The following PTPRJ variants were observed in gnomAD, a reference collection of about 807,000 sequenced individuals.
PTPRJ encodes protein tyrosine phosphatase receptor type J.
A neutral mutation model predicts 141.3 loss-of-function variants in PTPRJ; 129 were observed. That is an observed-to-expected ratio of 0.91 (90% CI 0.79 to 1.06). The LOEUF (loss-of-function observed/expected upper bound fraction) is 1.06, where lower values mean the gene tolerates loss of function less well. Ranked by LOEUF, PTPRJ falls within the 50% of genes least tolerant of loss-of-function variation. The pLI, the probability that PTPRJ is intolerant of heterozygous loss-of-function variation, is 0.00. For synonymous variants in PTPRJ, 610 were observed against 640.5 expected, an observed-to-expected ratio of 0.95 and a Z score of 0.72; for missense variants, 1,601 against 1,679.7, an observed-to-expected ratio of 0.95 and a Z score of 0.82.
chr11:48,000,177 G>T (rs1854457116), intron 1 of PTPRJ, among the ~76,000 whole-genome samples: 1 of 132,024 alleles, frequency 7.6e-6, no homozygotes, highest in African/African-American at 2.9e-5. Flanking sequence ...GTCGTGTTCT[G>T]TTGCCCAGGC....
intron 1 of PTPRJ, among the ~76,000 whole-genome samples, chr11:48,042,742 CTG>C (rs1275417857): frequency 6.9e-6 from 1 of 145,734 alleles, no homozygotes; most frequent in African/African-American, 2.6e-5. Flanking sequence ...TTTCTTTTGC[CTG>C]TGTGTGTGTG....
intron 6 of PTPRJ, among the ~76,000 whole-genome samples, chr11:48,126,898 A>G (rs12574500): frequency 0.2 from 30,953 of 151,778 alleles, 3,607 homozygotes; most frequent in African/African-American, 0.3. Context: ...GGGTTAAGGA[A>G]ACCATCAGAG....
At chr11:48,070,076 C>T (rs74777509) in intron 1 of PTPRJ, among the ~76,000 whole-genome samples, 185 of 152,324 alleles carry the variant, frequency 1.2e-3, no homozygotes, top group African/African-American at 4.3e-3. Context: ...TCTCCTCAGC[C>T]AGTTGGTCCT....
At chr11:48,059,918 G>A (rs1402052916) in intron 1 of PTPRJ, among the ~76,000 whole-genome samples, 2 of 152,164 alleles carry the variant, frequency 1.3e-5, no homozygotes, top group Admixed American at 6.6e-5. Context: ...ATTCAAACCC[G>A]AATTGCATTA....
chr11:48,054,057 C>T (rs189839248), intron 1 of PTPRJ, among the ~76,000 whole-genome samples: 27 of 151,464 alleles, frequency 1.8e-4, no homozygotes, highest in Non-Finnish European at 2.9e-4. Flanking sequence ...CTCAGCCTCC[C>T]GAGTAGCTGG....
chr11:48,156,655 G>A (rs938231287), intron 21 of PTPRJ, among the ~76,000 whole-genome samples: 2 of 144,108 alleles, frequency 1.4e-5, no homozygotes, highest in African/African-American at 2.6e-5. Context: ...GTGCAGTGGT[G>A]CGATCATGGC....
At chr11:47,982,993 A>G (rs1312856883) in intron 1 of PTPRJ, among the ~76,000 whole-genome samples, 3 of 152,128 alleles carry the variant, frequency 2.0e-5, no homozygotes, top group Admixed American at 2.0e-4. Flanking sequence ...TTGATAATGG[A>G]TATTTCAGGG....
intron 22 of PTPRJ, among the ~76,000 whole-genome samples, chr11:48,160,455 A>G (rs982713395): frequency 1.3e-5 from 2 of 152,252 alleles, no homozygotes; most frequent in African/African-American, 4.8e-5. Context: ...TTACATTAAT[A>G]GGATTCCAGG....
rs184607138 is a variant in PTPRJ, at chr11:48,156,030, C to T, written c.3349C>T (p.Pro1117Ser). ...KDFIATQGPL[P>S]NTLKDFWRMV... The stretch of plus-strand genomic sequence containing the variant: ...TTTTATTGCCACACAAGGACCTTTA[C>T]CGAACACTTTGAAAGATTTTTGGCG... The change falls in exon 21 of 25, where the codon CCG becomes TCG. Residue 1117 changes from proline (P) to serine (S), a missense_variant. Pro to Ser is a moderately conservative substitution (Grantham distance 74, BLOSUM62 -1). Transcript: ENST00000418331. 1 of 1,607,256 alleles carries T rather than the reference C, an allele frequency of 6.2e-7. No homozygotes were observed. The highest frequency in any genetic ancestry group is 2.2e-5 in the East Asian group (1 of 44,848).
intron 1 of PTPRJ, among the ~76,000 whole-genome samples, chr11:48,085,334 A>T (rs1855672712): frequency 6.7e-6 from 1 of 148,206 alleles, no homozygotes; most frequent in Non-Finnish European, 1.5e-5. Context: ...AGATTTATTT[A>T]TTTTTATTTT....
In PTPRJ at chr11:48,031,832, C is replaced by T. The variant is rs1013169930; in HGVS notation, c.96+50824C>T. Among the ~76,000 whole-genome samples the T allele has an allele frequency of 2.0e-5, 3 of 152,266 alleles. No individual in the cohort carries two copies. In the East Asian group the frequency reaches 5.8e-4, roughly 29 times the overall value. On this transcript the variant is annotated intron_variant, in intron 1 of 24. Coordinates refer to ENST00000418331, the MANE Select transcript of PTPRJ (RefSeq NM_002843.4). ...TGGCTCCTGAATGCAAGCCACTAAC[C>T]CATTATTTTACTTAGTAAGTTCCAG...
At chr11:48,136,946 C>G in intron 9 of PTPRJ, 57 bp from the exon 10 acceptor site, 1 of 1,466,164 alleles carries the variant, frequency 6.8e-7, no homozygotes, top group Non-Finnish European at 9.4e-7. Flanking sequence ...AGTAAATAGT[C>G]CTGGAATTCT....
intron 23 of PTPRJ, 28 bp downstream of exon 23, chr11:48,163,646 A>G: frequency 1.3e-6 from 2 of 1,592,374 alleles, no homozygotes; most frequent in Non-Finnish European, 1.7e-6. Context: ...CACGTGTGAC[A>G]GATTTCAAAT....
chr11:48,055,395 C>G (rs1041686386), intron 1 of PTPRJ, among the ~76,000 whole-genome samples: 1 of 152,114 alleles, frequency 6.6e-6, no homozygotes, highest in Non-Finnish European at 1.5e-5. Flanking sequence ...CTGAAAGGCC[C>G]CAAATCTCCC....
intron 11 of PTPRJ, 122 bp downstream of exon 11, chr11:48,139,898 A>G (rs1857193595): frequency 1.8e-6 from 2 of 1,090,086 alleles, no homozygotes; most frequent in East Asian, 2.6e-5. Context: ...CCCCTAAAAT[A>G]TTTGCTTTTA....
intron 18 of PTPRJ, among the ~76,000 whole-genome samples, chr11:48,151,755 T>C (rs991201392): frequency 2.6e-5 from 4 of 152,162 alleles, no homozygotes; most frequent in African/African-American, 9.7e-5. Flanking sequence ...GCTTCATCCA[T>C]GTCCCTACAA....
chr11:48,089,009 G>A (rs1384731776), intron 1 of PTPRJ, among the ~76,000 whole-genome samples: 1 of 151,278 alleles, frequency 6.6e-6, no homozygotes, highest in Non-Finnish European at 1.5e-5. Flanking sequence ...TCCTAATTTC[G>A]GTGCTACTCC....
rs946763052 is a variant in PTPRJ at position 48,158,511 on chromosome 11, T to C, written c.3439-1419T>C. On this transcript the variant is annotated intron_variant, in intron 21 of 24. Coordinates refer to ENST00000418331, the MANE Select transcript of PTPRJ (RefSeq NM_002843.4). This position sits in a 1 kb window ranked among gnomAD's most constrained non-coding sequence, Gnocchi z 4.4. ...TGCCCACAAGGTAGGAACAAAAATA[T>C]ACCTGGTAAGAGGCTGAGCTGGGAA... Among the ~76,000 whole-genome samples, 4 of 152,192 alleles carry C rather than the reference T, an allele frequency of 2.6e-5. No individual in the cohort carries two copies. Among genetic ancestry groups the C allele is most frequent in the African/African-American group, 9.7e-5 (4 of 41,444 alleles).
At chr11:48,012,930 C>A (rs1011331971) in intron 1 of PTPRJ, among the ~76,000 whole-genome samples, 6 of 151,936 alleles carry the variant, frequency 3.9e-5, no homozygotes, top group African/African-American at 1.5e-4. Flanking sequence ...CATCGTGAAA[C>A]CCCATCTCTA....
Sources: allele counts gnomAD v4.1 joint callset (sites outside exome capture counted in the v4.1 genomes callset), GRCh38; gene constraint gnomAD v4.1.1; non-coding constraint Gnocchi (gnomAD v3.1); transcripts MANE v1.5; gene names NCBI Gene and HGNC (gene_info 2026-07-23, HGNC 2026-07-21).